The following ZNF398 variants were observed in gnomAD, a reference collection of about 807,000 sequenced individuals.
The protein encoded by ZNF398 is zinc finger protein 398, also known as zinc finger DNA binding protein ZER6.
Under a neutral mutation model 41.9 loss-of-function variants are expected in ZNF398, and 18 were observed. That is an observed-to-expected ratio of 0.43 (90% confidence interval 0.30 to 0.64). The LOEUF is 0.64. Among genes scored for constraint, ZNF398 ranks in the 30% least tolerant of loss-of-function variants. The pLI is 0.14. For missense variants in ZNF398, 669 were observed against 822.8 expected (o/e 0.81, Z 2.29); for synonymous variants, 260 against 308.8 (o/e 0.84, Z 1.66).
chr7:149,133,771 T>TTTG (rs1826654695), intron 2 of ZNF398, among the ~76,000 whole-genome samples: 1 of 147,898 alleles, frequency 6.8e-6, no homozygotes, highest in African/African-American at 2.5e-5. Context: ...TTTGTTTTTT[T>TTTG]GAGACGGAGT....
chr7:149,143,728 C>T (rs1011681812), upstream of ZNF398, among the ~76,000 whole-genome samples: 2 of 152,184 alleles, frequency 1.3e-5, no homozygotes, highest in African/African-American at 4.8e-5. Flanking sequence ...AGGAGAATCA[C>T]TTGAACCCGG....
intron 2 of ZNF398, among the ~76,000 whole-genome samples, chr7:149,138,337 T>C (rs970105332): frequency 3.9e-5 from 6 of 152,188 alleles, no homozygotes; most frequent in Non-Finnish European, 8.8e-5. Flanking sequence ...TCCAGCACTT[T>C]GGGAGGCCGA....
Position 149,131,082 on chromosome 7 carries a change from A to G in ZNF398, c.-490+2138A>G, listed in dbSNP as rs549372581. 3.5e-4 allele frequency among the ~76,000 whole-genome samples: 53 copies of G among 152,312 alleles called. No individual in the cohort carries two copies. In the South Asian group the frequency reaches 0.011, roughly 31 times the overall value. ...GGTTGCTTTCCTGAGAAAGGAACTC[A>G]GATAAGACAAATGTAACTGTCTCAA... On this transcript the variant is annotated intron_variant, in intron 2 of 6. Coordinates refer to the ZNF398 transcript ENST00000426851.
intron 2 of ZNF398, among the ~76,000 whole-genome samples, chr7:149,165,892 T>C (rs1010571004): frequency 2.0e-5 from 3 of 152,210 alleles, no homozygotes; most frequent in African/African-American, 7.2e-5. Context: ...AGATATTTTA[T>C]TACTGCTTAC....
intron 1 of ZNF398, among the ~76,000 whole-genome samples, chr7:149,151,644 AGTG>A (rs1827116138): frequency 2.0e-5 from 3 of 152,188 alleles, no homozygotes; most frequent in Non-Finnish European, 1.5e-5. Flanking sequence ...TGGTCATGTC[AGTG>A]CACTCCAGCC....
intron 2 of ZNF398, among the ~76,000 whole-genome samples, chr7:149,133,396 G>A (rs570809260): frequency 4.0e-5 from 6 of 151,898 alleles, no homozygotes; most frequent in Non-Finnish European, 8.8e-5. Flanking sequence ...TTATAGGCAT[G>A]AGCCACTGTG....
chr7:149,170,420 G>T (rs796161999), intron 4 of ZNF398, among the ~76,000 whole-genome samples: 9 of 152,236 alleles, frequency 5.9e-5, no homozygotes, highest in African/African-American at 9.6e-5. Context: ...AGATAGGAAA[G>T]GTACAGCAAA....
chr7:149,175,822 T>G (rs1047106706), intron 4 of ZNF398, among the ~76,000 whole-genome samples: 1 of 152,042 alleles, frequency 6.6e-6, no homozygotes, highest in Non-Finnish European at 1.5e-5. Context: ...GTAGCTGGGA[T>G]TACAGGCGCC....
intron 1 of ZNF398, among the ~76,000 whole-genome samples, chr7:149,127,433 G>A (rs1420508919): frequency 6.6e-6 from 1 of 151,536 alleles, no homozygotes; most frequent in Non-Finnish European, 1.5e-5. Context: ...TCGGATGGGC[G>A]CGGTGCCTCA....
chr7:149,172,371 A>G (rs973251748), intron 4 of ZNF398, among the ~76,000 whole-genome samples: 1 of 152,136 alleles, frequency 6.6e-6, no homozygotes, highest in Non-Finnish European at 1.5e-5. Context: ...CACACTGTAT[A>G]CGCTACCTGG....
intron 1 of ZNF398, among the ~76,000 whole-genome samples, chr7:149,149,391 GC>G (rs1827054271): frequency 6.6e-6 from 1 of 151,886 alleles, no homozygotes; most frequent in African/African-American, 2.4e-5. Flanking sequence ...GTGCCACTAC[GC>G]CCGGGTCCTT....
At chr7:149,156,504 C>CAAAAA (rs1184656145) in intron 2 of ZNF398, among the ~76,000 whole-genome samples, 1 of 36,474 alleles carries the variant, frequency 2.7e-5, no homozygotes, top group Non-Finnish European at 6.0e-5. Context: ...GACTCCATCT[C>CAAAAA]AAAAAAAAAA....
intron 2 of ZNF398, among the ~76,000 whole-genome samples, chr7:149,130,787 G>T (rs1305751782): frequency 6.6e-6 from 1 of 152,204 alleles, no homozygotes; most frequent in Admixed American, 6.5e-5. Context: ...TTAATTGGGT[G>T]TTACTGCTGA....
intron 1 of ZNF398, among the ~76,000 whole-genome samples, chr7:149,153,063 T>C (rs1438078481): frequency 6.6e-6 from 1 of 152,064 alleles, no homozygotes; most frequent in African/African-American, 2.4e-5. Context: ...TTCACCATGT[T>C]GGCCAGGCTG....
At chr7:149,150,449 AT>A (rs1414955574) in intron 1 of ZNF398, among the ~76,000 whole-genome samples, 1 of 152,064 alleles carries the variant, frequency 6.6e-6, no homozygotes, top group Non-Finnish European at 1.5e-5. Flanking sequence ...AAATACAAAA[AT>A]TAGCAGGGCA....
intron 3 of ZNF398, 75 bp from the exon 4 acceptor site, chr7:149,166,742 T>C: frequency 3.9e-6 from 4 of 1,027,226 alleles, no homozygotes; most frequent in Non-Finnish European, 5.8e-6. Context: ...AAGCTTCAGC[T>C]CAGCCTTGAT....
intron 2 of ZNF398, among the ~76,000 whole-genome samples, chr7:149,142,324 T>C (rs1172111980): frequency 6.6e-6 from 1 of 152,108 alleles, no homozygotes; most frequent in East Asian, 1.9e-4. Context: ...ATACCAGATA[T>C]ATACTGTATA....
At chr7:149,172,390 C>T (rs1795363614) in intron 4 of ZNF398, among the ~76,000 whole-genome samples, 2 of 152,104 alleles carry the variant, frequency 1.3e-5, no homozygotes, top group South Asian at 4.1e-4. Flanking sequence ...GGCCATTAGT[C>T]ACTTAGAAGC....
chr7:149,151,103 A>G (rs994388273), intron 1 of ZNF398: 12 of 418,150 alleles, frequency 2.9e-5, no homozygotes, highest in Middle Eastern at 4.0e-4. Flanking sequence ...ACTTTATGGA[A>G]TGGGACAAGC....
Sources: allele counts gnomAD v4.1 joint callset (sites outside exome capture counted in the v4.1 genomes callset), GRCh38; gene constraint gnomAD v4.1.1; transcripts MANE v1.5; gene names NCBI Gene and HGNC (gene_info 2026-07-23, HGNC 2026-07-21).